DPP4: variants seen among roughly 807,000 people sequenced by gnomAD.
DPP4 encodes dipeptidyl peptidase 4.
A neutral mutation model predicts 122.4 loss-of-function variants in DPP4; 93 were observed. That is an observed-to-expected ratio of 0.76 (90% confidence interval 0.64 to 0.90). The LOEUF is 0.90. Among genes scored for constraint, DPP4 ranks in the 40% least tolerant of loss-of-function variants. The pLI, the probability that DPP4 is intolerant of heterozygous loss-of-function variation, is 0.00. For missense variants in DPP4, 914 were observed against 907.3 expected (o/e 1.01, Z -0.09); for synonymous variants, 321 against 302.9 (o/e 1.06, Z -0.62).
intron 12 of DPP4, 101 bp downstream of exon 12, chr2:162,022,654 T>C (rs1433259856): frequency 2.2e-5 from 24 of 1,076,494 alleles, no homozygotes; most frequent in Non-Finnish European, 8.6e-6. Context: ...CTAATATTGC[T>C]ATTAATAACG....
At chr2:162,064,971 C>T (rs1684900712) in intron 2 of DPP4, among the ~76,000 whole-genome samples, 1 of 152,300 alleles carries the variant, frequency 6.6e-6, no homozygotes. Flanking sequence ...GAAAAGAGAG[C>T]AATAACCAAA....
At position 162,024,871 on chromosome 2, in the gene DPP4, ATCC is replaced by A; in HGVS notation, c.953_955del (p.Arg318del). The stretch of plus-strand genomic sequence containing the variant: ...AATATCCATGACCGAATAGTTCTGA[ATCC>A]TCCTGAGCCACTGCAAAGAAATTCT... On this transcript the variant is annotated inframe_deletion, in exon 11 of 26. Coordinates refer to ENST00000360534, the MANE Select transcript of DPP4 (RefSeq NM_001935.4). 5 of 1,614,002 alleles carry A rather than the reference ATCC, an allele frequency of 3.1e-6. No homozygotes were observed. Among genetic ancestry groups the A allele is most frequent in the Non-Finnish European group, 4.2e-6 (5 of 1,180,022 alleles).
intron 8 of DPP4, among the ~76,000 whole-genome samples, chr2:162,036,670 C>T (rs1214208942): frequency 6.6e-6 from 1 of 152,178 alleles, no homozygotes; most frequent in Non-Finnish European, 1.5e-5. Context: ...CTTCCTTTGA[C>T]TGCCTCATAT....
intron 5 of DPP4, among the ~76,000 whole-genome samples, chr2:162,044,967 T>C (rs1050919924): frequency 2.0e-5 from 3 of 150,226 alleles, no homozygotes; most frequent in Admixed American, 6.6e-5. Context: ...TTTCTTTCTT[T>C]TTTTTTTTTT....
At position 162,053,434 on chromosome 2, in the gene DPP4, A is replaced by C. The variant is rs192397333; in HGVS notation, c.95-5933T>G. On this transcript the variant is annotated intron_variant, in intron 2 of 25. Transcript: ENST00000360534. ...ACGATAGCTGAATAACTTTAAAAAAAAAAAACAAAAATAACTCATAATGTT... is the reference window on the plus strand; with the variant it reads ...ACGATAGCTGAATAACTTTAAAAAACAAAAACAAAAATAACTCATAATGTT... 5.9e-5 allele frequency among the ~76,000 whole-genome samples: 9 copies of C among 152,248 alleles called. No homozygotes were observed. The South Asian group carries it at 1.9e-3, about 31-fold the overall frequency.
chr2:162,033,711 C>T (rs1683652661), intron 9 of DPP4, 58 bp from the exon 10 acceptor site: 1 of 1,179,394 alleles, frequency 8.5e-7, no homozygotes, highest in Non-Finnish European at 1.2e-6. Context: ...AACATCGTTG[C>T]ACACATTTTA....
intron 4 of DPP4, among the ~76,000 whole-genome samples, chr2:162,045,853 G>A (rs925145642): frequency 1.3e-5 from 2 of 152,214 alleles, no homozygotes; most frequent in African/African-American, 4.8e-5. Context: ...CGAGAGTGAG[G>A]ATGAGGAAAA....
Position 162,020,233 on chromosome 2 carries a change from A to C in DPP4, c.1240T>G (p.Tyr414Asp). The change falls in exon 14 of 26, where the codon TAT (tyrosine) becomes GAT (aspartate). Residue 414 changes from tyrosine (Y) to aspartate (D), a missense_variant. By Grantham distance (160) the Tyr-to-Asp change is radical. Transcript: ENST00000360534. ...VIGIEALTSDYLYYISNEYKG... is the reference protein window; with the variant it reads ...VIGIEALTSDDLYYISNEYKG... ...ATCAATTGTTACAATACTCACAGAT[A>C]ATCACTGGTTAGAGCTTCTATCCCG... is the stretch of plus-strand genomic sequence containing the variant. The C allele has an allele frequency of 3.1e-6, 5 of 1,611,940 alleles. No homozygotes were observed. The highest frequency in any genetic ancestry group is 4.2e-6 in the Non-Finnish European group (5 of 1,179,144).
In DPP4 at chr2:162,047,498, T is replaced by A. The variant is rs201132792; in HGVS notation, c.98A>T (p.Asp33Val). The part of the protein sequence containing the change: ...VPVVLLNKGT[D>V]DATADSRKTY... Reference sequence around the variant, plus strand: ...TTTGCGACTGTCAGCTGTAGCATCATCTGCTGGTTGAAAGAAAGAGCCAAA... The same window carrying A: ...TTTGCGACTGTCAGCTGTAGCATCAACTGCTGGTTGAAAGAAAGAGCCAAA... Residue 33 changes from aspartate (D) to valine (V), a missense_variant, in exon 3 of 26, where the codon GAT becomes GTT. Coordinates refer to ENST00000360534, the MANE Select transcript of DPP4 (RefSeq NM_001935.4). 3 of 1,565,148 alleles carry A rather than the reference T, an allele frequency of 1.9e-6. No homozygotes were observed. The highest frequency in any genetic ancestry group is 1.3e-5 in the African/African-American group (1 of 74,580).
chr2:162,062,522 T>A (rs1453293475), intron 2 of DPP4, among the ~76,000 whole-genome samples: 1 of 152,112 alleles, frequency 6.6e-6, no homozygotes, highest in African/African-American at 2.4e-5. Context: ...TGGGGAAAAA[T>A]TACCTGCTCC....
intron 23 of DPP4, 174 bp downstream of exon 23, chr2:162,005,571 G>A (rs1701263230): frequency 3.6e-6 from 2 of 559,558 alleles, no homozygotes; most frequent in East Asian, 2.8e-5. Flanking sequence ...CTGTAATTAT[G>A]CAGAATACAG....
intron 23 of DPP4, among the ~76,000 whole-genome samples, chr2:162,002,201 T>C (rs899992318): frequency 6.6e-6 from 1 of 152,146 alleles, no homozygotes; most frequent in Non-Finnish European, 1.5e-5. Flanking sequence ...GCACAAGGCA[T>C]CCCCGCCTGT....
chr2:162,014,336 A>T, intron 19 of DPP4, 60 bp downstream of exon 19: 1 of 1,400,984 alleles, frequency 7.1e-7, no homozygotes, highest in Non-Finnish European at 1.0e-6. Context: ...AGTAAGCTGC[A>T]CTGAGAAAAA....
At chr2:162,048,318 G>C (rs75942577) in intron 2 of DPP4, among the ~76,000 whole-genome samples, 4,034 of 151,804 alleles carry the variant, frequency 0.027, 190 homozygotes, top group African/African-American at 0.094. Context: ...GATTATTCCT[G>C]GAAATTTTTT....
intron 23 of DPP4, among the ~76,000 whole-genome samples, 200 bp from the exon 24 acceptor site, chr2:161,995,572 G>A (rs1020910445): frequency 6.6e-6 from 1 of 152,180 alleles, no homozygotes; most frequent in Non-Finnish European, 1.5e-5. Flanking sequence ...AGGACTGGAA[G>A]GGAGGATGCC....
intron 23 of DPP4, among the ~76,000 whole-genome samples, chr2:162,003,006 C>T (rs1701189812): frequency 6.6e-6 from 1 of 152,204 alleles, no homozygotes; most frequent in Admixed American, 6.5e-5. Flanking sequence ...AACTATCGCC[C>T]TCCCAAATAA....
At chr2:161,996,700 AATT>A in intron 23 of DPP4, among the ~76,000 whole-genome samples, 1 of 152,344 alleles carries the variant, frequency 6.6e-6, no homozygotes, top group Non-Finnish European at 1.5e-5. Context: ...GACTACACTC[AATT>A]AACTTTTATT....
rs201980305 is a variant in DPP4, at chr2:162,017,171, G to C, written c.1421-16C>G. The C allele has an allele frequency of 6.8e-6, 11 of 1,607,886 alleles. No individual in the cohort carries two copies. The South Asian group carries it at 1.0e-4, about 15-fold the overall frequency. On this transcript the variant is annotated splice_polypyrimidine_tract_variant and intron_variant, in intron 16 of 25. Transcript: ENST00000360534. ...AGACCAGGACCTGTTAACACAATGG[G>C]GGAAAAATGTTTTGGATGAATACTT... is the stretch of plus-strand genomic sequence containing the variant.
At chr2:161,997,315 G>T (rs1701031062) in intron 23 of DPP4, among the ~76,000 whole-genome samples, 1 of 151,978 alleles carries the variant, frequency 6.6e-6, no homozygotes, top group Non-Finnish European at 1.5e-5. Context: ...AAATCCATCT[G>T]TCCATCCATC....
Sources: allele counts gnomAD v4.1 joint callset (sites outside exome capture counted in the v4.1 genomes callset), GRCh38; gene constraint gnomAD v4.1.1; transcripts MANE v1.5; gene names NCBI Gene and HGNC (gene_info 2026-07-23, HGNC 2026-07-21).